Variants in GLRB observed in about 807,000 individuals in gnomAD.
GLRB encodes glycine receptor subunit beta.
In GLRB, 33 loss-of-function variants were observed where a neutral mutation model predicts 54.2. The ratio of observed to expected loss-of-function variants is 0.61; its 90% CI spans 0.46 to 0.81. The LOEUF (loss-of-function observed/expected upper bound fraction) is 0.81, where lower values mean the gene tolerates loss of function less well. GLRB is among the 40% of genes least tolerant of loss of function. The pLI is 0.00. For synonymous variants in GLRB, 209 were observed against 208.2 expected (o/e 1.00, Z -0.03); for missense variants, 572 against 584.6 (o/e 0.98, Z 0.22).
chr4:157,107,276 C>A (rs895353387), intron 2 of GLRB, among the ~76,000 whole-genome samples: 1 of 152,030 alleles, frequency 6.6e-6, no homozygotes, highest in Non-Finnish European at 1.5e-5. Context: ...AAAAGAAGGG[C>A]TGCATGTCTC....
intron 6 of GLRB, among the ~76,000 whole-genome samples, chr4:157,138,373 C>T (rs1266030600): frequency 2.0e-5 from 3 of 152,094 alleles, no homozygotes; most frequent in Admixed American, 1.3e-4. Flanking sequence ...CGCACCAGGC[C>T]GATTTCTTAA....
At chr4:157,152,221 T>C (rs1485897533) in intron 8 of GLRB, among the ~76,000 whole-genome samples, 37 of 152,180 alleles carry the variant, frequency 2.4e-4, no homozygotes, top group Admixed American at 2.4e-3. Context: ...TTTCCTGCTG[T>C]GTCTTTTCTA....
chr4:157,171,815 T>A lies in GLRB; in HGVS notation c.*1087T>A, dbSNP rs937207753. The A allele has an allele frequency of 1.3e-5, 2 of 151,902 alleles. No individual in the cohort carries two copies. Among genetic ancestry groups the A allele is most frequent in the African/African-American group, 4.8e-5 (2 of 41,446 alleles). 9.4% of individuals were successfully genotyped at this position (151,902 alleles called of 1,614,324 possible). ...TTAGACTTCACTTCTACTTGTATTT[T>A]CTTTCTTGTTAAAAGTCTAGACAAC... On this transcript the variant is annotated 3_prime_UTR_variant, in exon 10 of 10. Coordinates refer to ENST00000264428, the MANE Select transcript of GLRB (RefSeq NM_000824.5).
chr4:157,080,144 A>T (rs1174373184), intron 2 of GLRB, among the ~76,000 whole-genome samples: 1 of 152,150 alleles, frequency 6.6e-6, no homozygotes, highest in Non-Finnish European at 1.5e-5. Context: ...TACGGTGTGT[A>T]TAGTTATTTA....
intron 9 of GLRB, among the ~76,000 whole-genome samples, chr4:157,169,195 CTAA>C (rs1394081982): frequency 6.6e-6 from 1 of 151,800 alleles, no homozygotes; most frequent in Non-Finnish European, 1.5e-5. Flanking sequence ...CTGTGATATA[CTAA>C]TAATATACAA....
At chr4:157,103,720 T>C (rs1024427733) in intron 2 of GLRB, among the ~76,000 whole-genome samples, 3 of 152,184 alleles carry the variant, frequency 2.0e-5, no homozygotes, top group African/African-American at 7.2e-5. Flanking sequence ...ATTTCTTTCA[T>C]TGGTGTTTTA....
chr4:157,115,251 GTTTT>G (rs34188430), intron 2 of GLRB, among the ~76,000 whole-genome samples: 1 of 112,496 alleles, frequency 8.9e-6, no homozygotes, highest in Non-Finnish European at 1.9e-5. Flanking sequence ...CCATTATGGT[GTTTT>G]TTTTTTTTTT....
At chr4:157,130,211 CTGTATCGAAAATGT>C (rs1232067770) in intron 4 of GLRB, among the ~76,000 whole-genome samples, 2 of 151,644 alleles carry the variant, frequency 1.3e-5, no homozygotes, top group Non-Finnish European at 1.5e-5. Context: ...TGATACACCA[CTGTATCGAAAATGT>C]TTTTGCTGTA....
At chr4:157,081,626 C>G (rs746308826) in intron 2 of GLRB, among the ~76,000 whole-genome samples, 32 of 152,192 alleles carry the variant, frequency 2.1e-4, no homozygotes, top group African/African-American at 7.7e-4. Context: ...GTCACCAGAA[C>G]TCATCAATTA....
At chr4:157,160,889 T>C (rs1737457681) in intron 9 of GLRB, among the ~76,000 whole-genome samples, 1 of 152,166 alleles carries the variant, frequency 6.6e-6, no homozygotes, top group Non-Finnish European at 1.5e-5. Context: ...GATATCTTTG[T>C]TATCTTTCTG....
At position 157,153,083 on chromosome 4, in the gene GLRB, G is replaced by A. The variant is rs80312907; in HGVS notation, c.1197+73G>A. ...AGTGTCAAGAGAGAGACACCTTTGT[G>A]TATGTGACAAGTTTTGATGGAATTG... On this transcript the variant is annotated intron_variant, in intron 9 of 9. Coordinates refer to ENST00000264428, the MANE Select transcript of GLRB (RefSeq NM_000824.5). 9.9e-5 allele frequency: 126 copies of A among 1,271,802 alleles called. No individual in the cohort carries two copies. The African/African-American group carries it at 1.7e-3, about 17-fold the overall frequency. 78.8% of individuals were successfully genotyped at this position (1,271,802 alleles called of 1,614,324 possible). A position where few individuals can be genotyped will look rare whatever the true frequency, so the allele number is the denominator to read the frequency against.
At chr4:157,092,915 T>G (rs1344648119) in intron 2 of GLRB, among the ~76,000 whole-genome samples, 1 of 152,194 alleles carries the variant, frequency 6.6e-6, no homozygotes, top group Non-Finnish European at 1.5e-5. Flanking sequence ...CAAAAGGTAG[T>G]AAAATGGCTT....
intron 9 of GLRB, 94 bp from the exon 10 acceptor site, chr4:157,170,338 T>C (rs1737870823): frequency 5.4e-6 from 4 of 739,802 alleles, no homozygotes; most frequent in Non-Finnish European, 9.3e-6. Flanking sequence ...AAATGCTTCT[T>C]GTAGAAACTA....
In GLRB at chr4:157,076,186, C is replaced by CT. The variant is rs1178690114; in HGVS notation, c.-140dup. ...CCGAGCTCGGCGGTGGCGCGGGCGG[C>CT]TGGGACGCAGCTGCCCCCGCTCGGC... On this transcript the variant is annotated 5_prime_UTR_variant, in exon 1 of 10. Transcript: ENST00000264428. 3.3e-5 allele frequency: 5 copies of CT among 149,952 alleles called. No individual in the cohort carries two copies. The highest frequency in any genetic ancestry group is 9.7e-5 in the African/African-American group (4 of 41,144). The allele number at this position is 149,952 out of a possible 1,614,324, so 9.3% of individuals were successfully genotyped here. A position where few individuals can be genotyped will look rare whatever the true frequency, so the allele number is the denominator to read the frequency against.
chr4:157,133,821 G>T (rs1237206911), intron 4 of GLRB, among the ~76,000 whole-genome samples: 1 of 151,900 alleles, frequency 6.6e-6, no homozygotes, highest in Non-Finnish European at 1.5e-5. Context: ...ATGTATTCTT[G>T]GGTTGTGTAG....
intron 2 of GLRB, among the ~76,000 whole-genome samples, chr4:157,114,353 T>C (rs1307627683): frequency 1.3e-5 from 2 of 151,622 alleles, no homozygotes; most frequent in African/African-American, 4.8e-5. Flanking sequence ...TTTTTTTTTT[T>C]CAAATAAACA....
rs558271581 is a variant in GLRB at position 157,120,454 on chromosome 4, T to C, written c.123-102T>C. ...AGAAGAAAAAGCCATACTATAGTTG[T>C]GGATTTGTCTCAAAAAGGCAGTCTT... On this transcript the variant is annotated intron_variant, in intron 2 of 9. Coordinates refer to ENST00000264428, the MANE Select transcript of GLRB (RefSeq NM_000824.5). 420 of 538,894 alleles carry C rather than the reference T, an allele frequency of 7.8e-4. 2 individuals carry two copies. The highest frequency in any genetic ancestry group is 7.3e-3 in the African/African-American group (383 of 52,258). 33.4% of individuals were successfully genotyped at this position (538,894 alleles called of 1,614,324 possible).
intron 2 of GLRB, among the ~76,000 whole-genome samples, chr4:157,099,559 C>T (rs1445541981): frequency 6.6e-6 from 1 of 152,076 alleles, no homozygotes; most frequent in African/African-American, 2.4e-5. Context: ...CTGTCTGGAA[C>T]TCCTGACCTC....
intron 8 of GLRB, among the ~76,000 whole-genome samples, chr4:157,149,398 A>G (rs1216779286): frequency 2.0e-5 from 3 of 152,090 alleles, no homozygotes; most frequent in Admixed American, 6.6e-5. Context: ...CTATGCACAG[A>G]ACTATTGAAG....
Sources: allele counts gnomAD v4.1 joint callset (sites outside exome capture counted in the v4.1 genomes callset), GRCh38; gene constraint gnomAD v4.1.1; transcripts MANE v1.5; gene names NCBI Gene and HGNC (gene_info 2026-07-23, HGNC 2026-07-21).